The following ANK3 variants were observed in gnomAD, a reference collection of about 807,000 sequenced individuals.
ANK3 encodes ankyrin 3.
ANK3 carries 57 observed loss-of-function variants against 370.9 expected under a neutral mutation model. The observed-to-expected ratio is 0.15, with a 90% CI of 0.12 to 0.19. ANK3 has a LOEUF of 0.19. Ranked by LOEUF, ANK3 falls within the 10% of genes least tolerant of loss-of-function variation. ANK3 has a pLI of 1.00. For missense variants in ANK3, 4,439 were observed against 5,302.1 expected, an observed-to-expected ratio of 0.84 and a Z score of 5.06; for synonymous variants, 1,929 against 1,946.3, an observed-to-expected ratio of 0.99 and a Z score of 0.23.
intron 1 of ANK3, among the ~76,000 whole-genome samples, chr10:60,688,741 G>A (rs746832174): frequency 1.3e-5 from 2 of 152,098 alleles, no homozygotes; most frequent in African/African-American, 2.4e-5. Flanking sequence ...GAGGTCAGGA[G>A]ATCGAGACCA....
chr10:60,180,676 CAA>C lies in ANK3; in HGVS notation c.2184+651_2184+652del, dbSNP rs2096148091. Among the ~76,000 whole-genome samples, 3 of 137,102 alleles carry C rather than the reference CAA, an allele frequency of 2.2e-5. No homozygotes were observed. The South Asian group carries it at 7.1e-4, about 32-fold the overall frequency. 89.9% of individuals were successfully genotyped at this position (137,102 alleles called of 152,430 possible). On this transcript the variant is annotated intron_variant, in intron 18 of 43. Transcript: ENST00000280772. ...ACACAAATCTGATATGAAGAAATAA[CAA>C]AATTAAGCATATAAAGAAAATTTTC...
intron 2 of ANK3, among the ~76,000 whole-genome samples, chr10:60,606,323 T>G (rs966448027): frequency 6.6e-6 from 1 of 152,154 alleles, no homozygotes; most frequent in Non-Finnish European, 1.5e-5. Context: ...TTAAAAGTTT[T>G]TTATTAATCA....
intron 43 of ANK3, among the ~76,000 whole-genome samples, chr10:60,033,159 C>T (rs768244842): frequency 6.6e-5 from 10 of 152,128 alleles, no homozygotes; most frequent in Non-Finnish European, 1.0e-4. Flanking sequence ...GAAAACCAAT[C>T]ATTCCTTTTA....
chr10:60,074,759 A>G lies in ANK3; in HGVS notation c.6122T>C (p.Ile2041Thr), dbSNP rs1179149288. 3 of 1,614,022 alleles carry G rather than the reference A, an allele frequency of 1.9e-6. No individual in the cohort carries two copies. The South Asian group carries it at 3.3e-5, about 18-fold the overall frequency. ...TAAGTTTGTCAGTGAACTACTCCCA[A>G]TATCATTTGTTAGGTAATCAATAAC... ...TKVIDYLTND[I>T]GSSSLTNLKY... is the part of the protein sequence containing the mutation. The change falls in exon 37 of 44, where the codon ATT (isoleucine) becomes ACT (threonine). Residue 2041 changes from isoleucine (I) to threonine (T), a missense_variant. Ile to Thr is a moderately conservative substitution (Grantham distance 89). Transcript: ENST00000280772.
chr10:60,103,924 CTG>C (rs1344770784), intron 28 of ANK3, among the ~76,000 whole-genome samples: 4 of 152,118 alleles, frequency 2.6e-5, no homozygotes, highest in Non-Finnish European at 4.4e-5. Context: ...GAATGAGATC[CTG>C]TCTTTTGCAG....
intron 1 of ANK3, chr10:60,300,283 GA>G (rs755500638): frequency 2.5e-6 from 3 of 1,182,030 alleles, no homozygotes; most frequent in Non-Finnish European, 3.4e-6. Flanking sequence ...CTTCTATAAG[GA>G]AAGTACATTT....
Position 60,027,949 on chromosome 10 carries a change from T to C in ANK3, c.*1897A>G, listed in dbSNP as rs1198676644. 1 of 152,224 alleles carries C rather than the reference T, an allele frequency of 6.6e-6. No individual in the cohort carries two copies. Among genetic ancestry groups the C allele is most frequent in the Non-Finnish European group, 1.5e-5 (1 of 68,026 alleles). The allele number at this position is 152,224 out of a possible 1,614,324, so 9.4% of individuals were successfully genotyped here. A position where few individuals can be genotyped will look rare whatever the true frequency, so the allele number is the denominator to read the frequency against. ...TACCTTCTGGGAATGAGGTCCATTG[T>C]TGCCAAATCTTGCTTTTTAAGAGAT... On this transcript the variant is annotated 3_prime_UTR_variant, in exon 44 of 44. Coordinates refer to ENST00000280772, the MANE Select transcript of ANK3 (RefSeq NM_020987.5).
At chr10:60,719,170 T>C (rs2079829450) in intron 1 of ANK3, among the ~76,000 whole-genome samples, 1 of 152,152 alleles carries the variant, frequency 6.6e-6, no homozygotes, top group Non-Finnish European at 1.5e-5. Context: ...GCTTTACTAT[T>C]TGTAGCTCTA....
At chr10:60,101,815 A>C (rs1336560540) in intron 28 of ANK3, among the ~76,000 whole-genome samples, 2 of 152,144 alleles carry the variant, frequency 1.3e-5, no homozygotes, top group African/African-American at 4.8e-5. Context: ...AATACATACC[A>C]TATTTTTTGT....
chr10:60,411,072 A>G (rs7100501), intron 2 of ANK3, among the ~76,000 whole-genome samples: 55,311 of 152,032 alleles, frequency 0.36, 10,936 homozygotes, highest in Middle Eastern at 0.49. Context: ...GAACTGGTGG[A>G]TAATGGAGCC....
At chr10:60,098,965 T>C (rs2090676927) in intron 28 of ANK3, among the ~76,000 whole-genome samples, 1 of 152,222 alleles carries the variant, frequency 6.6e-6, no homozygotes, top group Non-Finnish European at 1.5e-5. Flanking sequence ...TTTCTGACAA[T>C]CATATATTTT....
intron 9 of ANK3, among the ~76,000 whole-genome samples, chr10:60,212,145 G>T (rs1235297922): frequency 6.6e-6 from 1 of 152,068 alleles, no homozygotes. Flanking sequence ...CCAAAGCAAT[G>T]AGATGAATAG....
intron 25 of ANK3, among the ~76,000 whole-genome samples, chr10:60,118,812 G>A (rs2093286889): frequency 6.6e-6 from 1 of 151,920 alleles, no homozygotes; most frequent in Admixed American, 6.6e-5. Flanking sequence ...TTTACCTTTG[G>A]TACTCTTAGA....
At chr10:60,302,229 G>A (rs1183096110) in intron 1 of ANK3, among the ~76,000 whole-genome samples, 2 of 152,146 alleles carry the variant, frequency 1.3e-5, no homozygotes, top group Admixed American at 6.6e-5. Context: ...GAGCATGGAA[G>A]GGGGAATCAT....
chr10:60,205,676 C>CT, intron 11 of ANK3, 116 bp downstream of exon 11: 1 of 744,892 alleles, frequency 1.3e-6, no homozygotes. Context: ...AGAATGCAGT[C>CT]TATGGCCATG....
intron 23 of ANK3, among the ~76,000 whole-genome samples, chr10:60,155,916 A>C (rs1047018177): frequency 6.6e-6 from 1 of 152,194 alleles, no homozygotes; most frequent in Non-Finnish European, 1.5e-5. Context: ...TGAAGGCTGC[A>C]CTATTGGTTT....
At chr10:60,701,514 C>T (rs962428942) in intron 1 of ANK3, among the ~76,000 whole-genome samples, 14 of 151,990 alleles carry the variant, frequency 9.2e-5, no homozygotes, top group African/African-American at 2.9e-4. Context: ...TGGGAATAAT[C>T]GAAATACTCA....
chr10:60,638,280 C>A (rs10761532), intron 1 of ANK3, among the ~76,000 whole-genome samples: 1 of 151,878 alleles, frequency 6.6e-6, no homozygotes, highest in Non-Finnish European at 1.5e-5. Flanking sequence ...GTAATACATG[C>A]GATATTGGGT....
intron 27 of ANK3, among the ~76,000 whole-genome samples, chr10:60,107,980 C>T (rs1446087525): frequency 2.0e-5 from 3 of 151,930 alleles, no homozygotes; most frequent in Non-Finnish European, 4.4e-5. Flanking sequence ...GCCTGAAAAG[C>T]ACAAGATAGG....
Sources: gnomAD v4.1 joint callset for allele counts (sites outside exome capture counted in the v4.1 genomes callset) on GRCh38, gnomAD v4.1.1 for gene constraint, MANE v1.5 for transcripts, NCBI Gene and HGNC (gene_info 2026-07-23, HGNC 2026-07-21) for gene names.